Variants in DHRS3 observed in about 807,000 individuals in gnomAD.
The protein encoded by DHRS3 is dehydrogenase/reductase 3.
In DHRS3, 14 loss-of-function variants were observed where a neutral mutation model predicts 27.2. That is an observed-to-expected ratio of 0.52 (90% CI 0.34 to 0.81). The LOEUF is 0.81. Among genes scored for constraint, DHRS3 ranks in the 30% least tolerant of loss-of-function variants. The pLI is 0.01. For synonymous variants in DHRS3, 165 were observed against 175.9 expected, an observed-to-expected ratio of 0.94 and a Z score of 0.49; for missense variants, 322 against 406.2, an observed-to-expected ratio of 0.79 and a Z score of 1.78.
At chr1:12,601,887 G>C (rs868072814) in intron 1 of DHRS3, among the ~76,000 whole-genome samples, 4 of 152,204 alleles carry the variant, frequency 2.6e-5, no homozygotes, top group Admixed American at 2.0e-4. Context: ...TCAGGGCTTA[G>C]AACAGTCCCT....
intron 1 of DHRS3, among the ~76,000 whole-genome samples, chr1:12,595,422 C>T (rs957492090): frequency 2.7e-5 from 4 of 148,348 alleles, no homozygotes; most frequent in African/African-American, 9.9e-5. Flanking sequence ...CGCGGGGGTC[C>T]CGGGAGGGGC....
chr1:12,597,199 C>T (rs1445681076), intron 1 of DHRS3, among the ~76,000 whole-genome samples: 2 of 152,190 alleles, frequency 1.3e-5, no homozygotes, highest in African/African-American at 4.8e-5. Flanking sequence ...GCCTCAGCCT[C>T]TCGAGTGCCT....
intron 1 of DHRS3, among the ~76,000 whole-genome samples, chr1:12,599,880 T>C (rs1646823445): frequency 6.6e-6 from 1 of 152,218 alleles, no homozygotes; most frequent in Admixed American, 6.5e-5. Context: ...TATTTCCATC[T>C]TTAAACTGGG....
chr1:12,569,352 C>G (rs1375070765), intron 5 of DHRS3, among the ~76,000 whole-genome samples: 1 of 151,266 alleles, frequency 6.6e-6, no homozygotes, highest in Non-Finnish European at 1.5e-5. Flanking sequence ...TATCTTTTTC[C>G]TAGATCCTGA....
Position 12,591,558 on chromosome 1 carries a change from G to C in DHRS3, c.196-10892C>G, listed in dbSNP as rs1646745800. On this transcript the variant is annotated intron_variant, in intron 1 of 5. Transcript: ENST00000616661. This position sits in a 1 kb window ranked among gnomAD's most constrained non-coding sequence, Gnocchi z 4.1. The stretch of plus-strand genomic sequence containing the variant: ...TCCAGCCTGGAACTGGCCCGCTTGG[G>C]AGGCACAGGAATGACAGTAGCTCTG... Among the ~76,000 whole-genome samples, 1 of 152,366 alleles carries C rather than the reference G, an allele frequency of 6.6e-6. No individual in the cohort carries two copies. The highest frequency in any genetic ancestry group is 6.5e-5 in the Admixed American group (1 of 15,310).
rs568858500 is a variant in DHRS3, at chr1:12,594,275, G to A, written c.196-13609C>T. On this transcript the variant is annotated intron_variant, in intron 1 of 5. Coordinates refer to ENST00000616661, the MANE Select transcript of DHRS3 (RefSeq NM_004753.7). This position sits in a 1 kb window ranked among gnomAD's most constrained non-coding sequence, Gnocchi z 4.1. Reference sequence around the variant, plus strand: ...GAAGCTCTTTTAACAACCCTGTCCTGCCTCATTCATTCATTCAAGGACTAT... The same window carrying A: ...GAAGCTCTTTTAACAACCCTGTCCTACCTCATTCATTCATTCAAGGACTAT... Among the ~76,000 whole-genome samples the A allele has an allele frequency of 2.0e-4, 30 of 152,324 alleles. No individual in the cohort carries two copies. Among genetic ancestry groups the A allele is most frequent in the African/African-American group, 7.2e-4 (30 of 41,554 alleles).
At position 12,592,344 on chromosome 1, in the gene DHRS3, G is replaced by C. The variant is rs1328949491; in HGVS notation, c.196-11678C>G. 6.6e-6 allele frequency among the ~76,000 whole-genome samples: 1 copy of C among 152,194 alleles called. No individual in the cohort carries two copies. Among genetic ancestry groups the C allele is most frequent in the African/African-American group, 2.4e-5 (1 of 41,438 alleles). On this transcript the variant is annotated intron_variant, in intron 1 of 5. Transcript: ENST00000616661. This position sits in a 1 kb window ranked among gnomAD's most constrained non-coding sequence, Gnocchi z 4.2. ...AGAGGGTCTTTGGAATTGAGTAGCT[G>C]TAATTGAGTTGGGGATCTCAAAGTG...
At chr1:12,616,559 C>T in intron 1 of DHRS3, 2 of 986,166 alleles carry the variant, frequency 2.0e-6, no homozygotes, top group Non-Finnish European at 2.4e-6. Context: ...TAGCTGCTTA[C>T]CCTGGCCTCC....
In DHRS3 at chr1:12,579,358, G is replaced by C. The variant is rs759669045; in HGVS notation, c.394C>G (p.Leu132Val). 1 of 1,614,208 alleles carries C rather than the reference G, an allele frequency of 6.2e-7. No individual in the cohort carries two copies. The highest frequency in any genetic ancestry group is 8.5e-7 in the Non-Finnish European group (1 of 1,180,034). The change falls in exon 3 of 6, where the codon CTA (leucine) becomes GTA (valine). Residue 132 changes from leucine to valine, a missense_variant. Physicochemically the swap from Leu to Val is conservative, Grantham distance 32. Transcript: ENST00000616661. ...AGGGCATCATCATCACTGTCCATTA[G>C]GCTCTTCCCATGGACCACGGCGGCA... ...NNAAVVHGKS[L>V]MDSDDDALLK...
chr1:12,610,944 G>A (rs907471723), intron 1 of DHRS3, among the ~76,000 whole-genome samples: 2 of 151,994 alleles, frequency 1.3e-5, no homozygotes, highest in Non-Finnish European at 2.9e-5. Context: ...GCTCAAAACT[G>A]TGGTAGGATA....
chr1:12,570,313 C>T (rs1273523785), intron 5 of DHRS3, among the ~76,000 whole-genome samples: 1 of 152,372 alleles, frequency 6.6e-6, no homozygotes, highest in African/African-American at 2.4e-5. Context: ...ACTTGTCAAG[C>T]CTGTGGGGGC....
At chr1:12,569,328 T>A (rs1178434373) in intron 5 of DHRS3, among the ~76,000 whole-genome samples, 3 of 152,046 alleles carry the variant, frequency 2.0e-5, no homozygotes, top group Non-Finnish European at 4.4e-5. Flanking sequence ...ACTTTTTTTT[T>A]AATTTAAAAT....
intron 1 of DHRS3, among the ~76,000 whole-genome samples, chr1:12,613,758 T>C (rs1646925346): frequency 6.6e-6 from 1 of 151,908 alleles, no homozygotes; most frequent in South Asian, 2.1e-4. Flanking sequence ...GAAGTGGGAA[T>C]TGAGTTTTTT....
At chr1:12,569,223 T>TCACACA (rs779404982) in intron 5 of DHRS3, among the ~76,000 whole-genome samples, 43 of 120,182 alleles carry the variant, frequency 3.6e-4, no homozygotes, top group African/African-American at 1.6e-3. Flanking sequence ...GTCCCCTCTC[T>TCACACA]CTCTCTCTCA....
rs866188386 is a variant in DHRS3, at chr1:12,579,093, G to C, written c.460-137C>G. ...GCCTTCCTGCGAGGGAGAGGGCCGA[G>C]GGCTCCCTGCCCCAGGACACCGAGC... On this transcript the variant is annotated intron_variant, in intron 3 of 5. Coordinates refer to ENST00000616661, the MANE Select transcript of DHRS3 (RefSeq NM_004753.7). The C allele has an allele frequency of 1.9e-4, 234 of 1,237,788 alleles. 1 individual carries two copies. The Middle Eastern group carries it at 4.4e-3, about 23-fold the overall frequency. The allele number at this position is 1,237,788 out of a possible 1,614,324, so 76.7% of individuals were successfully genotyped here.
At chr1:12,611,269 CAG>C (rs1247099854) in intron 1 of DHRS3, among the ~76,000 whole-genome samples, 2 of 152,202 alleles carry the variant, frequency 1.3e-5, no homozygotes, top group Non-Finnish European at 2.9e-5. Flanking sequence ...GAACTTGACT[CAG>C]AGTCAGTATT....
intron 1 of DHRS3, among the ~76,000 whole-genome samples, chr1:12,590,923 C>CT (rs981383046): frequency 4.6e-5 from 7 of 152,256 alleles, no homozygotes; most frequent in African/African-American, 1.7e-4. Flanking sequence ...TCCCTTCCAC[C>CT]TTTTTTTCTG....
chr1:12,587,574 G>A (rs1646708197), intron 1 of DHRS3, among the ~76,000 whole-genome samples: 1 of 152,010 alleles, frequency 6.6e-6, no homozygotes, highest in East Asian at 1.9e-4. Context: ...CTTAAAAATA[G>A]AAGGTGGGGC....
At chr1:12,577,255 A>T (rs1646597738) in intron 4 of DHRS3, among the ~76,000 whole-genome samples, 1 of 152,202 alleles carries the variant, frequency 6.6e-6, no homozygotes, top group Non-Finnish European at 1.5e-5. Context: ...ACATCATTAA[A>T]GCGCCATTTA....
Sources: gnomAD v4.1 joint callset for allele counts (sites outside exome capture counted in the v4.1 genomes callset) on GRCh38, gnomAD v4.1.1 for gene constraint, Gnocchi (gnomAD v3.1) non-coding constraint, MANE v1.5 for transcripts, NCBI Gene and HGNC (gene_info 2026-07-23, HGNC 2026-07-21) for gene names.